Variants in CLBA1 observed in about 807,000 individuals in gnomAD.
CLBA1 encodes clathrin binding box of aftiphilin containing 1.
CLBA1 carries 30 observed loss-of-function variants against 28.8 expected under a neutral mutation model. The ratio of observed to expected loss-of-function variants is 1.04; its 90% CI spans 0.78 to 1.41. The LOEUF is 1.41. Among genes scored for constraint, CLBA1 ranks in the 40% most tolerant of loss-of-function variants. The probability of loss-of-function intolerance (pLI) is 0.00; values close to 1 mark genes in which losing one functional copy is unlikely to be tolerated. For synonymous variants in CLBA1, 160 were observed against 152.8 expected (o/e 1.05, Z -0.35); for missense variants, 451 against 412.3 (o/e 1.09, Z -0.81).
chr14:104,995,673 G>A (rs1285841529), downstream of CLBA1, among the ~76,000 whole-genome samples: 1 of 152,192 alleles, frequency 6.6e-6, no homozygotes, highest in Admixed American at 6.5e-5. Context: ...TGGTATCAGT[G>A]CGATGTGCAC....
chr14:104,988,727 T>A (rs1899936763), intron 1 of CLBA1, among the ~76,000 whole-genome samples: 1 of 152,256 alleles, frequency 6.6e-6, no homozygotes, highest in South Asian at 2.1e-4. Context: ...GAAGTTTGAA[T>A]GTTTTGCCCT....
intron 2 of CLBA1, chr14:104,989,434 C>A: frequency 7.6e-6 from 3 of 393,646 alleles, no homozygotes; most frequent in South Asian, 1.9e-5. Context: ...GGCACAGGGG[C>A]CTTCTGGGGG....
At chr14:104,999,197 T>C (rs1900219076), downstream of CLBA1, 1 of 984,980 alleles carries the variant, frequency 1.0e-6, no homozygotes, top group Non-Finnish European at 1.2e-6. Flanking sequence ...AATGTGTAAA[T>C]CTGTCCTGGC....
In CLBA1 at chr14:104,991,481, T is replaced by C. The variant is rs1261117374; in HGVS notation, c.570-10T>C. 6.2e-7 allele frequency: 1 copy of C among 1,613,584 alleles called. No individual in the cohort carries two copies. Among genetic ancestry groups the C allele is most frequent in the East Asian group, 2.2e-5 (1 of 44,874 alleles). On this transcript the variant is annotated splice_polypyrimidine_tract_variant and intron_variant, in intron 2 of 4. Coordinates refer to ENST00000547315, the MANE Select transcript of CLBA1 (RefSeq NM_174891.4). ...AAGGTCACCTTTTAACAAGTGCATC[T>C]GTTTTCCAGTAACGAATCCAGAAAA...
intron 1 of CLBA1, 46 bp from the exon 2 acceptor site, chr14:104,988,897 A>G (rs771427433): frequency 3.3e-6 from 5 of 1,531,484 alleles, no homozygotes; most frequent in South Asian, 1.2e-5. Context: ...AACGTTATGT[A>G]TGTCTTTCTC....
In CLBA1 at chr14:104,989,003, G is replaced by A; in HGVS notation, c.484G>A (p.Ala162Thr). 1 of 1,613,042 alleles carries A rather than the reference G, an allele frequency of 6.2e-7. No individual in the cohort carries two copies. The highest frequency in any genetic ancestry group is 8.5e-7 in the Non-Finnish European group (1 of 1,179,122). ...TTTTCAAGAAATAACAGTCCAGCAGGCAGCTGAAGACGTTTCCACCATAGA... is the reference window on the plus strand; with the variant it reads ...TTTTCAAGAAATAACAGTCCAGCAGACAGCTGAAGACGTTTCCACCATAGA... ...CAFQEITVQQ[A>T]AEDVSTIDHF... Residue 162 changes from alanine to threonine, a missense_variant, in exon 2 of 5, where the codon GCA (alanine) becomes ACA (threonine). Physicochemically the swap from Ala to Thr is moderately conservative, Grantham distance 58. Coordinates refer to ENST00000547315, the MANE Select transcript of CLBA1 (RefSeq NM_174891.4).
intron 2 of CLBA1, chr14:104,989,715 G>A (rs900395740): frequency 6.6e-6 from 3 of 455,858 alleles, no homozygotes; most frequent in African/African-American, 6.0e-5. Context: ...GAGGTAAGTT[G>A]GCCCAAGGCC....
intron 4 of CLBA1, chr14:104,993,774 T>A: frequency 1.0e-6 from 1 of 985,346 alleles, no homozygotes; most frequent in Non-Finnish European, 1.2e-6. Flanking sequence ...CTTGGAACAG[T>A]CGGGGCTCAT....
chr14:104,997,783 T>C (rs1019308842), downstream of CLBA1, among the ~76,000 whole-genome samples: 2 of 151,554 alleles, frequency 1.3e-5, no homozygotes, highest in African/African-American at 4.9e-5. Flanking sequence ...CTGATGCAGG[T>C]GGATCACCTG....
downstream of CLBA1, among the ~76,000 whole-genome samples, chr14:104,997,609 C>G (rs1900178186): frequency 6.6e-6 from 1 of 152,206 alleles, no homozygotes; most frequent in African/African-American, 2.4e-5. Context: ...TATAGAGAAG[C>G]AACGATAGGA....
chr14:104,995,586 G>GTCT, downstream of CLBA1: 1 of 873,836 alleles, frequency 1.1e-6, no homozygotes, highest in Non-Finnish European at 1.4e-6. Context: ...GAGGCCTGAA[G>GTCT]TCTTAAGCAA....
Position 104,992,948 on chromosome 14 carries a change from A to G in CLBA1, c.700A>G (p.Asn234Asp), listed in dbSNP as rs763495910. 9.9e-6 allele frequency: 16 copies of G among 1,612,264 alleles called. No individual in the cohort carries two copies. In the South Asian group the frequency reaches 1.5e-4, roughly 15 times the overall value. Residue 234 changes from asparagine to aspartate, a missense_variant and splice_region_variant, in exon 4 of 5, where the codon AAC becomes GAC. Coordinates refer to ENST00000547315, the MANE Select transcript of CLBA1 (RefSeq NM_174891.4). ...LVLGIDAAQK[N>D]LSGGQGHIME... is the part of the protein sequence containing the mutation. ...TGTCTGATGGGGTCTGTCTCCTTAG[A>G]ACCTTTCTGGAGGCCAGGGCCACAT... is the stretch of plus-strand genomic sequence containing the variant.
downstream of CLBA1, among the ~76,000 whole-genome samples, chr14:104,998,961 G>A (rs75342295): frequency 0.033 from 4,978 of 152,288 alleles, 275 homozygotes; most frequent in African/African-American, 0.11. Flanking sequence ...AGCTACTGCC[G>A]CTTCCCAGCT....
At position 104,995,079 on chromosome 14, in the gene CLBA1, C is replaced by G; in HGVS notation, c.*320C>G. 9.7e-7 allele frequency: 1 copy of G among 1,031,616 alleles called. No homozygotes were observed. The highest frequency in any genetic ancestry group is 1.2e-6 in the Non-Finnish European group (1 of 859,880). The allele number at this position is 1,031,616 out of a possible 1,614,324, so 63.9% of individuals were successfully genotyped here. A position where few individuals can be genotyped will look rare whatever the true frequency, so the allele number is the denominator to read the frequency against. The stretch of plus-strand genomic sequence containing the variant: ...GTGGGGGGTTGCCCAGGGATGGACC[C>G]TGGGCATGGCTTCTGGGCTGCTTAG... On this transcript the variant is annotated 3_prime_UTR_variant, in exon 5 of 5. Transcript: ENST00000547315.
intron 3 of CLBA1, among the ~76,000 whole-genome samples, chr14:104,991,895 C>T (rs1900033994): frequency 6.6e-6 from 1 of 152,208 alleles, no homozygotes; most frequent in Admixed American, 6.5e-5. Flanking sequence ...AGATGTGCAA[C>T]AGTGTGTGTG....
intron 4 of CLBA1, chr14:104,994,389 G>C (rs991781024): frequency 1.0e-6 from 1 of 985,472 alleles, no homozygotes; most frequent in Non-Finnish European, 1.2e-6. Flanking sequence ...CTGCAGGCCA[G>C]AGCCACAGAC....
At chr14:104,996,109 C>T (rs1456819150), downstream of CLBA1, among the ~76,000 whole-genome samples, 1 of 152,244 alleles carries the variant, frequency 6.6e-6, no homozygotes, top group East Asian at 1.9e-4. Flanking sequence ...GGCCCTTGCT[C>T]CTCACCTGGC....
chr14:104,996,099 G>T (rs1900151287), downstream of CLBA1, among the ~76,000 whole-genome samples: 1 of 152,190 alleles, frequency 6.6e-6, no homozygotes, highest in East Asian at 1.9e-4. Flanking sequence ...CACCCATGGT[G>T]GCCCTTGCTC....
intron 2 of CLBA1, 21 bp downstream of exon 2, chr14:104,989,109 T>G (rs1240603586): frequency 1.3e-6 from 2 of 1,596,778 alleles, no homozygotes; most frequent in South Asian, 2.3e-5. Flanking sequence ...GAAGAAATAT[T>G]TCTTACAGCA....
Sources: allele counts gnomAD v4.1 joint callset (sites outside exome capture counted in the v4.1 genomes callset), GRCh38; gene constraint gnomAD v4.1.1; transcripts MANE v1.5; gene names NCBI Gene and HGNC (gene_info 2026-07-23, HGNC 2026-07-21).